The following TBCD variants were observed in gnomAD, a reference collection of about 807,000 sequenced individuals.
TBCD encodes the protein tubulin-specific chaperone D.
Under a neutral mutation model 169.3 loss-of-function variants are expected in TBCD, and 105 were observed. The ratio of observed to expected loss-of-function variants is 0.62; its 90% CI spans 0.53 to 0.73. The LOEUF is 0.73. Ranked by LOEUF, TBCD falls within the 30% of genes least tolerant of loss-of-function variation. The pLI, the probability that TBCD is intolerant of heterozygous loss-of-function variation, is 0.00. For synonymous variants in TBCD, 700 were observed against 643.9 expected (o/e 1.09, Z -1.32); for missense variants, 1,444 against 1,600.1 (o/e 0.90, Z 1.66).
At chr17:82,769,169 C>T (rs983031663) in intron 5 of TBCD, among the ~76,000 whole-genome samples, 1 of 152,168 alleles carries the variant, frequency 6.6e-6, no homozygotes, top group African/African-American at 2.4e-5. Flanking sequence ...TCAAGCTTGC[C>T]CACAGCTGCA....
intron 6 of TBCD, among the ~76,000 whole-genome samples, chr17:82,775,903 TAAAA>T (rs200684153): frequency 6.6e-6 from 1 of 150,936 alleles, no homozygotes; most frequent in Non-Finnish European, 1.5e-5. Flanking sequence ...ATAAAAAAAT[TAAAA>T]AAAAACCCCT....
intron 2 of TBCD, among the ~76,000 whole-genome samples, chr17:82,762,210 G>A (rs1390986050): frequency 6.6e-6 from 1 of 151,110 alleles, no homozygotes; most frequent in Non-Finnish European, 1.5e-5. Flanking sequence ...CAGCTACTTG[G>A]GAGGCTGAGG....
chr17:82,856,079 C>G (rs2056259115), intron 13 of TBCD, among the ~76,000 whole-genome samples: 1 of 127,714 alleles, frequency 7.8e-6, no homozygotes. Context: ...CTCAAATGAT[C>G]CTCTCATCTT....
chr17:82,780,000 C>A lies in TBCD; in HGVS notation c.639-1589C>A, dbSNP rs1260344605. ...GGCATCACTGCCGTCTCCTTCCCCC[C>A]ACCCCATAAAGGTGTGGCTAGGATG... On this transcript the variant is annotated intron_variant, in intron 6 of 38. Coordinates refer to ENST00000355528, the MANE Select transcript of TBCD (RefSeq NM_005993.5). 5.3e-5 allele frequency among the ~76,000 whole-genome samples: 8 copies of A among 152,182 alleles called. No individual in the cohort carries two copies. The East Asian group carries it at 1.3e-3, about 26-fold the overall frequency.
intron 7 of TBCD, among the ~76,000 whole-genome samples, chr17:82,791,250 C>T (rs576291877): frequency 6.6e-6 from 1 of 152,188 alleles, no homozygotes; most frequent in African/African-American, 2.4e-5. Context: ...CTCCACCACG[C>T]CTGGCTAATT....
At chr17:82,830,139 G>C in intron 13 of TBCD, 1 of 1,613,476 alleles carries the variant, frequency 6.2e-7, no homozygotes, top group Non-Finnish European at 8.5e-7. Context: ...TGTGAACCCG[G>C]CGTTAGGACA....
chr17:82,784,666 G>A (rs2049175131), intron 7 of TBCD, among the ~76,000 whole-genome samples: 1 of 152,174 alleles, frequency 6.6e-6, no homozygotes, highest in Non-Finnish European at 1.5e-5. Context: ...CCAGGGTGGG[G>A]GTCCTGGGAA....
In TBCD at chr17:82,880,712, A is replaced by G. The variant is rs8067926; in HGVS notation, c.1476-3433A>G. Among the ~76,000 whole-genome samples the G allele has an allele frequency of 0.54, 82,626 of 151,948 alleles. 22,570 individuals carry two copies. The highest frequency in any genetic ancestry group is 0.66 in the East Asian group (3,410 of 5,142). On this transcript the variant is annotated intron_variant, in intron 14 of 38. Coordinates refer to ENST00000355528, the MANE Select transcript of TBCD (RefSeq NM_005993.5). This position sits in a 1 kb window ranked among gnomAD's most constrained non-coding sequence, Gnocchi z 5.0. ...GGTCCCTACCGCAGGCTCCCCACAC[A>G]GTGACACCTGTCTGTCCGTCCGTCT...
intron 13 of TBCD, among the ~76,000 whole-genome samples, chr17:82,829,235 A>T (rs2053253401): frequency 6.6e-6 from 1 of 151,770 alleles, no homozygotes; most frequent in South Asian, 2.1e-4. Context: ...GTGCACGTGC[A>T]TCTGCAGACA....
At chr17:82,804,289 T>C (rs192876916) in intron 9 of TBCD, among the ~76,000 whole-genome samples, 10 of 152,276 alleles carry the variant, frequency 6.6e-5, no homozygotes, top group African/African-American at 2.4e-4. Context: ...TACATTACAG[T>C]GTACCCCGAA....
At chr17:82,902,952 T>G (rs1425101593) in intron 18 of TBCD, among the ~76,000 whole-genome samples, 1 of 152,180 alleles carries the variant, frequency 6.6e-6, no homozygotes, top group African/African-American at 2.4e-5. Context: ...GCGGTCCGCA[T>G]GTTCAACCAT....
At chr17:82,799,418 G>A (rs1173759369) in intron 8 of TBCD, among the ~76,000 whole-genome samples, 1 of 127,264 alleles carries the variant, frequency 7.9e-6, no homozygotes, top group African/African-American at 3.1e-5. Context: ...ACTCTAGCCT[G>A]GCGACAGAGC....
At chr17:82,828,327 C>T (rs1292331927) in intron 13 of TBCD, among the ~76,000 whole-genome samples, 1 of 147,860 alleles carries the variant, frequency 6.8e-6, no homozygotes, top group Non-Finnish European at 1.5e-5. Context: ...CTAATGCACA[C>T]ACACACCCAT....
chr17:82,842,191 C>G (rs1424498001), intron 13 of TBCD, among the ~76,000 whole-genome samples: 1 of 152,178 alleles, frequency 6.6e-6, no homozygotes, highest in East Asian at 1.9e-4. Context: ...GTGTTCTGAC[C>G]CTTGCCATGG....
intron 1 of TBCD, among the ~76,000 whole-genome samples, chr17:82,755,115 G>A (rs74991781): frequency 1.2e-4 from 18 of 152,324 alleles, no homozygotes; most frequent in Non-Finnish European, 2.1e-4. Flanking sequence ...GGGTGGGAGG[G>A]CGTCCAGGGC....
At chr17:82,908,148 T>C in intron 21 of TBCD, 1 of 397,502 alleles carries the variant, frequency 2.5e-6, no homozygotes, top group Non-Finnish European at 4.8e-6. Flanking sequence ...AGGTTTCGGC[T>C]GCAGCTGGAG....
At chr17:82,902,000 TACATATGCCCGTGGC>T (rs1350001916) in intron 18 of TBCD, among the ~76,000 whole-genome samples, 7 of 152,132 alleles carry the variant, frequency 4.6e-5, no homozygotes, top group South Asian at 2.1e-4. Flanking sequence ...CTCCAGCTGG[TACATATGCCCGTGGC>T]GTCGGAGCTG....
intron 14 of TBCD, among the ~76,000 whole-genome samples, chr17:82,883,821 G>T (rs1335849426): frequency 6.6e-6 from 1 of 152,188 alleles, no homozygotes; most frequent in African/African-American, 2.4e-5. Context: ...CTCCTGCGCC[G>T]CCCCACCACA....
At chr17:82,849,834 G>C (rs2055501033) in intron 13 of TBCD, among the ~76,000 whole-genome samples, 2 of 152,398 alleles carry the variant, frequency 1.3e-5, no homozygotes, top group East Asian at 3.9e-4. Context: ...ACAATCTGGA[G>C]GCAGAAGCGA....
Sources: allele counts gnomAD v4.1 joint callset (sites outside exome capture counted in the v4.1 genomes callset), GRCh38; gene constraint gnomAD v4.1.1; non-coding constraint Gnocchi (gnomAD v3.1); transcripts MANE v1.5; gene names NCBI Gene and HGNC (gene_info 2026-07-23, HGNC 2026-07-21).